AXDND1: variants seen among roughly 807,000 people sequenced by gnomAD.
AXDND1 encodes the protein axonemal dynein light chain domain containing 1, also known as axonemal dynein light chain domain-containing protein 1.
A neutral mutation model predicts 137.5 loss-of-function variants in AXDND1; 110 were observed. That is an observed-to-expected ratio of 0.80 (90% CI 0.69 to 0.94). The LOEUF (loss-of-function observed/expected upper bound fraction) is 0.94. AXDND1 is among the 40% of genes least tolerant of loss of function. AXDND1 has a pLI of 0.00. For synonymous variants in AXDND1, 414 were observed against 399.7 expected (o/e 1.04, Z -0.43); for missense variants, 1,191 against 1,169.8 (o/e 1.02, Z -0.26).
rs534442095 is a variant in AXDND1 at position 179,487,218 on chromosome 1, A to G, written c.2091+3997A>G. Among the ~76,000 whole-genome samples the G allele has an allele frequency of 1.9e-4, 29 of 148,748 alleles. No homozygotes were observed. The South Asian group carries it at 6.0e-3, about 31-fold the overall frequency. On this transcript the variant is annotated intron_variant, in intron 18 of 25. Transcript: ENST00000367618. The stretch of plus-strand genomic sequence containing the variant: ...ATTTTCCCTCCTGATCCATGTTCTT[A>G]TCTCCAGTTTTTTTGTCATTGTTTT...
chr1:179,525,309 A>G (rs1209363032), intron 21 of AXDND1, 25 bp from the exon 22 acceptor site: 1 of 1,589,294 alleles, frequency 6.3e-7, no homozygotes, highest in South Asian at 1.2e-5. Flanking sequence ...ACACCCTTTA[A>G]TCATAATATT....
chr1:179,551,689 A>T (rs1226614054), intron 25 of AXDND1: 2 of 536,646 alleles, frequency 3.7e-6, no homozygotes, highest in Non-Finnish European at 6.6e-6. Flanking sequence ...ATGAAGTATT[A>T]GGGGAGTTAT....
chr1:179,552,374 T>C (rs978630481), intron 25 of AXDND1: 1 of 591,442 alleles, frequency 1.7e-6, no homozygotes, highest in Non-Finnish European at 3.1e-6. Flanking sequence ...AAGGTGAGAC[T>C]CAAGCAGTGA....
chr1:179,524,894 A>G (rs1213013490), intron 21 of AXDND1, among the ~76,000 whole-genome samples: 1 of 152,170 alleles, frequency 6.6e-6, no homozygotes, highest in Non-Finnish European at 1.5e-5. Flanking sequence ...CTGGCTTGAC[A>G]GTCTAGCCCT....
chr1:179,544,951 C>T (rs1442022624), intron 25 of AXDND1: 2 of 152,194 alleles, frequency 1.3e-5, no homozygotes. Flanking sequence ...TGAAGGGCCA[C>T]CAGGCCATTG....
At chr1:179,446,231 A>G (rs1659711311) in intron 16 of AXDND1, among the ~76,000 whole-genome samples, 1 of 152,206 alleles carries the variant, frequency 6.6e-6, no homozygotes, top group Non-Finnish European at 1.5e-5. Context: ...GCCATTTTCT[A>G]AGGTTTCATA....
At chr1:179,552,247 C>T in intron 25 of AXDND1, 1 of 356,998 alleles carries the variant, frequency 2.8e-6, no homozygotes, top group South Asian at 2.4e-5. Flanking sequence ...GGATACAGTT[C>T]TAGGGGATAC....
chr1:179,423,677 A>G (rs958163820), intron 12 of AXDND1, among the ~76,000 whole-genome samples: 1 of 151,520 alleles, frequency 6.6e-6, no homozygotes, highest in Non-Finnish European at 1.5e-5. Flanking sequence ...ATGACAATTT[A>G]TCTTAGATTA....
chr1:179,486,042 T>C (rs1665998111), intron 18 of AXDND1, among the ~76,000 whole-genome samples: 1 of 149,524 alleles, frequency 6.7e-6, no homozygotes, highest in African/African-American at 2.5e-5. Context: ...TCACTTGAAC[T>C]TGGGAGGCGG....
intron 23 of AXDND1, among the ~76,000 whole-genome samples, chr1:179,530,781 G>T (rs145342591): frequency 1.3e-5 from 2 of 152,310 alleles, no homozygotes; most frequent in African/African-American, 4.8e-5. Context: ...TTACTTGCAA[G>T]TTCCTGGAAG....
chr1:179,472,576 T>C (rs578064141), intron 17 of AXDND1, among the ~76,000 whole-genome samples: 5 of 152,298 alleles, frequency 3.3e-5, no homozygotes, highest in African/African-American at 1.2e-4. Context: ...GTTCTAACCA[T>C]TATTGATAGT....
At chr1:179,376,616 T>C (rs4495640) in intron 4 of AXDND1, among the ~76,000 whole-genome samples, 44,219 of 152,014 alleles carry the variant, frequency 0.29, 6,631 homozygotes, top group Non-Finnish European at 0.31. Flanking sequence ...TTGTTACTGC[T>C]TCCCGAAGTT....
intron 16 of AXDND1, among the ~76,000 whole-genome samples, chr1:179,446,571 G>A (rs1396064175): frequency 6.6e-6 from 1 of 152,174 alleles, no homozygotes; most frequent in East Asian, 1.9e-4. Flanking sequence ...GTTGCCAGTG[G>A]TCTACATATC....
At chr1:179,422,062 A>C (rs1200151460) in intron 12 of AXDND1, among the ~76,000 whole-genome samples, 2 of 143,358 alleles carry the variant, frequency 1.4e-5, no homozygotes, top group Non-Finnish European at 3.1e-5. Flanking sequence ...AAAAAAAAAA[A>C]CAGCAGCTTT....
At chr1:179,510,995 T>C (rs1668988371) in intron 21 of AXDND1, among the ~76,000 whole-genome samples, 1 of 149,832 alleles carries the variant, frequency 6.7e-6, no homozygotes, top group South Asian at 2.1e-4. Context: ...GAACATATGG[T>C]GTTTCGTTTT....
intron 17 of AXDND1, among the ~76,000 whole-genome samples, chr1:179,476,920 G>A (rs551065466): frequency 6.6e-6 from 1 of 152,086 alleles, no homozygotes; most frequent in Non-Finnish European, 1.5e-5. Context: ...TTCAGATCCT[G>A]TTTCTTTGAA....
At chr1:179,473,169 T>C (rs1282755447) in intron 17 of AXDND1, among the ~76,000 whole-genome samples, 1 of 152,150 alleles carries the variant, frequency 6.6e-6, no homozygotes, top group African/African-American at 2.4e-5. Context: ...TTAAAAAGTT[T>C]TTTAAATGGC....
chr1:179,466,288 T>C (rs544803987), intron 16 of AXDND1, among the ~76,000 whole-genome samples: 159 of 141,820 alleles, frequency 1.1e-3, no homozygotes, highest in African/African-American at 4.2e-3. Flanking sequence ...TCTTCTTCTT[T>C]TTTTTTTTTT....
Position 179,497,907 on chromosome 1 carries a change from C to T in AXDND1, c.2388+4956C>T, listed in dbSNP as rs116264169. On this transcript the variant is annotated intron_variant, in intron 20 of 25. Coordinates refer to ENST00000367618, the MANE Select transcript of AXDND1 (RefSeq NM_144696.6). Reference sequence around the variant, plus strand: ...GAAGTCGAGAATACAATTCCACTTACAATAGCCACAAGAAAATCAAATACC... The same window carrying T: ...GAAGTCGAGAATACAATTCCACTTATAATAGCCACAAGAAAATCAAATACC... Among the ~76,000 whole-genome samples, 992 of 152,156 alleles carry T rather than the reference C, an allele frequency of 6.5e-3. 10 individuals carry two copies. The highest frequency in any genetic ancestry group is 0.021 in the African/African-American group (883 of 41,530).
Sources: allele counts gnomAD v4.1 joint callset (sites outside exome capture counted in the v4.1 genomes callset), GRCh38; gene constraint gnomAD v4.1.1; transcripts MANE v1.5; gene names NCBI Gene and HGNC (gene_info 2026-07-23, HGNC 2026-07-21).